ARHGAP32: variants seen among roughly 807,000 people sequenced by gnomAD.
ARHGAP32 encodes Rho GTPase activating protein 32, also known as rho GTPase-activating protein 32.
A neutral mutation model predicts 186.5 loss-of-function variants in ARHGAP32; 51 were observed. That is an observed-to-expected ratio of 0.27 (90% CI 0.22 to 0.35). The LOEUF is 0.35. Ranked by LOEUF, ARHGAP32 falls within the 10% of genes least tolerant of loss-of-function variation. ARHGAP32 has a pLI of 1.00. For missense variants in ARHGAP32, 2,186 were observed against 2,623.5 expected (o/e 0.83, Z 3.64); for synonymous variants, 950 against 964.3 (o/e 0.99, Z 0.27).
chr11:129,045,288 C>A (rs1182457044), intron 10 of ARHGAP32, among the ~76,000 whole-genome samples: 2 of 152,158 alleles, frequency 1.3e-5, no homozygotes, highest in African/African-American at 4.8e-5. Flanking sequence ...CATCACTTGA[C>A]CATAAGTGAA....
rs1194407673 is a variant in ARHGAP32, at chr11:128,981,466, A to G, written c.1730T>C (p.Val577Ala). ...SVVVEFILNHVDVLFSGRISM... is the reference protein window; with the variant it reads ...SVVVEFILNHADVLFSGRISM... ...GATTCTGCCGCTGAACAGCACATCA[A>G]CGTGATTCAGGATGAACTCAACAAC... Residue 577 changes from valine to alanine, a missense_variant, in exon 17 of 23, where the codon GTT becomes GCT. By Grantham distance (64) the Val-to-Ala change is moderately conservative. Coordinates refer to ENST00000682385, the MANE Select transcript of ARHGAP32 (RefSeq NM_001378024.1). 2.6e-5 allele frequency: 42 copies of G among 1,613,764 alleles called. No individual in the cohort carries two copies. The highest frequency in any genetic ancestry group is 3.3e-5 in the Admixed American group (2 of 59,956).
At chr11:129,200,159 C>A (rs1268808248) in intron 1 of ARHGAP32, among the ~76,000 whole-genome samples, 1 of 152,122 alleles carries the variant, frequency 6.6e-6, no homozygotes, top group Non-Finnish European at 1.5e-5. Flanking sequence ...GGTTCATAGG[C>A]AGAAGGGACT....
chr11:128,989,547 C>A (rs1945980312), intron 12 of ARHGAP32, among the ~76,000 whole-genome samples: 1 of 151,436 alleles, frequency 6.6e-6, no homozygotes, highest in African/African-American at 2.4e-5. Flanking sequence ...CACACACACA[C>A]ACACACACAT....
chr11:129,172,311 T>C (rs1943783323), intron 1 of ARHGAP32, among the ~76,000 whole-genome samples: 1 of 152,218 alleles, frequency 6.6e-6, no homozygotes, highest in South Asian at 2.1e-4. Flanking sequence ...GGGTTTGTTA[T>C]AAATAGCTCT....
intron 12 of ARHGAP32, among the ~76,000 whole-genome samples, chr11:128,989,025 C>T (rs1441958636): frequency 6.6e-6 from 1 of 152,054 alleles, no homozygotes; most frequent in Non-Finnish European, 1.5e-5. Context: ...CTGCAAAGAG[C>T]TACTATACTA....
At chr11:129,139,097 G>A (rs996570685) in intron 2 of ARHGAP32, among the ~76,000 whole-genome samples, 1 of 151,960 alleles carries the variant, frequency 6.6e-6, no homozygotes, top group African/African-American at 2.4e-5. Flanking sequence ...TGAAAACAAT[G>A]GCACAAAAGT....
intron 2 of ARHGAP32, among the ~76,000 whole-genome samples, chr11:129,135,308 C>G (rs186889315): frequency 5.3e-5 from 8 of 152,302 alleles, no homozygotes; most frequent in South Asian, 4.1e-4. Flanking sequence ...AGTGTGGTAT[C>G]TGGTCTAAGT....
chr11:129,241,057 T>C (rs1246809009), intron 1 of ARHGAP32, among the ~76,000 whole-genome samples: 1 of 152,228 alleles, frequency 6.6e-6, no homozygotes, highest in Non-Finnish European at 1.5e-5. Flanking sequence ...GCAAGTTATT[T>C]AATTTCCTTA....
At chr11:129,073,998 T>A (rs1427413936) in intron 6 of ARHGAP32, among the ~76,000 whole-genome samples, 1 of 152,084 alleles carries the variant, frequency 6.6e-6, no homozygotes. Flanking sequence ...TGCAAAATTA[T>A]CCCTCAAAAA....
At chr11:129,277,766 A>T (rs1945549859) in intron 1 of ARHGAP32, among the ~76,000 whole-genome samples, 1 of 152,244 alleles carries the variant, frequency 6.6e-6, no homozygotes. Flanking sequence ...AATGGAAATC[A>T]CAACATCCTA....
chr11:128,978,919 T>G lies in ARHGAP32; in HGVS notation c.1977-4A>C. 1 of 1,594,420 alleles carries G rather than the reference T, an allele frequency of 6.3e-7. No individual in the cohort carries two copies. The highest frequency in any genetic ancestry group is 8.5e-7 in the Non-Finnish European group (1 of 1,173,928). ...CATCTTATTTTGAGGCCTCTTTCTATGAAAGAGAAAAAATAATCAACATTA... is the reference window on the plus strand; with the variant it reads ...CATCTTATTTTGAGGCCTCTTTCTAGGAAAGAGAAAAAATAATCAACATTA... On this transcript the variant is annotated splice_region_variant and splice_polypyrimidine_tract_variant and intron_variant, in intron 18 of 22. Transcript: ENST00000682385.
upstream of ARHGAP32, among the ~76,000 whole-genome samples, chr11:129,194,675 G>T (rs993315129): frequency 1.3e-5 from 2 of 151,844 alleles, no homozygotes; most frequent in Admixed American, 1.3e-4. Context: ...GCTTGAACCC[G>T]GGAGGTGGAG....
chr11:129,101,645 A>G (rs912744458), intron 5 of ARHGAP32, among the ~76,000 whole-genome samples: 4 of 152,228 alleles, frequency 2.6e-5, no homozygotes, highest in African/African-American at 9.6e-5. Flanking sequence ...ACAGACAGAC[A>G]AGAATAGAGA....
intron 1 of ARHGAP32, among the ~76,000 whole-genome samples, chr11:129,269,550 G>T (rs1945448628): frequency 6.6e-6 from 1 of 151,910 alleles, no homozygotes; most frequent in Non-Finnish European, 1.5e-5. Flanking sequence ...AACATAGAGA[G>T]ACTTCGTCTC....
chr11:129,262,349 A>G (rs1029444412), intron 1 of ARHGAP32, among the ~76,000 whole-genome samples: 1 of 151,668 alleles, frequency 6.6e-6, no homozygotes, highest in African/African-American at 2.4e-5. Flanking sequence ...CATTTAACCC[A>G]CCTTACAAAT....
chr11:129,032,748 C>T (rs1267498717), intron 11 of ARHGAP32, among the ~76,000 whole-genome samples: 1 of 152,042 alleles, frequency 6.6e-6, no homozygotes, highest in Non-Finnish European at 1.5e-5. Flanking sequence ...TTTAAAAATG[C>T]AAAGTGACCA....
chr11:129,110,902 A>C (rs1942194182), intron 5 of ARHGAP32, among the ~76,000 whole-genome samples: 2 of 152,128 alleles, frequency 1.3e-5, no homozygotes, highest in African/African-American at 4.8e-5. Flanking sequence ...CTCTTTTCCA[A>C]TTTAGATGCT....
At position 129,123,586 on chromosome 11, in the gene ARHGAP32, G is replaced by C; in HGVS notation, c.360-56C>G. 2 of 1,492,754 alleles carry C rather than the reference G, an allele frequency of 1.3e-6. No homozygotes were observed. The highest frequency in any genetic ancestry group is 1.8e-5 in the Admixed American group (1 of 56,372). 92.5% of individuals were successfully genotyped at this position (1,492,754 alleles called of 1,614,324 possible). On this transcript the variant is annotated intron_variant, in intron 4 of 22. Coordinates refer to ENST00000682385, the MANE Select transcript of ARHGAP32 (RefSeq NM_001378024.1). The surrounding 1 kb of genome is among the most constrained non-coding windows in gnomAD (Gnocchi z 4.6). ...ATAGTGAAACAGTAAAAATTACTAA[G>C]TTTAAGGGAAAAATACAGTGGATTT...
At chr11:129,251,441 T>A (rs542586724) in intron 1 of ARHGAP32, among the ~76,000 whole-genome samples, 17 of 152,232 alleles carry the variant, frequency 1.1e-4, no homozygotes, top group African/African-American at 3.9e-4. Flanking sequence ...TATATGAAAA[T>A]GTATTTAGGA....
Sources: gnomAD v4.1 joint callset for allele counts (sites outside exome capture counted in the v4.1 genomes callset) on GRCh38, gnomAD v4.1.1 for gene constraint, Gnocchi (gnomAD v3.1) non-coding constraint, MANE v1.5 for transcripts, NCBI Gene and HGNC (gene_info 2026-07-23, HGNC 2026-07-21) for gene names.